The following PDE12 variants were observed in gnomAD, a reference collection of about 807,000 sequenced individuals.
PDE12 encodes 2',5'-phosphodiesterase 12.
Under a neutral mutation model 45.4 loss-of-function variants are expected in PDE12, and 26 were observed. That is an observed-to-expected ratio of 0.57 (90% CI 0.42 to 0.79). PDE12 has a LOEUF of 0.79. Ranked by LOEUF, PDE12 falls within the 30% of genes least tolerant of loss-of-function variation. PDE12 has a pLI of 0.00. For synonymous variants in PDE12, 283 were observed against 323.9 expected, an observed-to-expected ratio of 0.87 and a Z score of 1.36; for missense variants, 668 against 790.0, an observed-to-expected ratio of 0.85 and a Z score of 1.85.
the PDE12 span, among the ~76,000 whole-genome samples, chr3:57,654,114 A>AT: frequency 0.038 from 5,266 of 139,716 alleles, 319 homozygotes; most frequent in African/African-American, 0.13. Flanking sequence ...CGCCCGGCTA[A>AT]TTTTTTTTTT....
chr3:57,585,624 A>G, the PDE12 span, among the ~76,000 whole-genome samples: 1 of 150,166 alleles, frequency 6.7e-6, no homozygotes, highest in South Asian at 2.1e-4. Context: ...ATAATAAAAG[A>G]CCCTATCACA....
At chr3:57,557,798 A>C in intron 1 of PDE12, 111 bp downstream of exon 1, 1 of 977,988 alleles carries the variant, frequency 1.0e-6, no homozygotes, top group Non-Finnish European at 1.5e-6. Flanking sequence ...ATATTGTTGA[A>C]AGGTGTGTTT....
chr3:57,628,890 A>G, the PDE12 span: 2 of 1,610,300 alleles, frequency 1.2e-6, no homozygotes, highest in Non-Finnish European at 1.7e-6. Context: ...TAAGTCCTAG[A>G]ATAAATAAAG....
At chr3:57,570,321 C>T (rs1442794264), downstream of PDE12, among the ~76,000 whole-genome samples, 2 of 140,742 alleles carry the variant, frequency 1.4e-5, no homozygotes, top group Non-Finnish European at 3.0e-5. Context: ...AAGCGAGTCT[C>T]TTGCCTCAGC....
chr3:57,643,209 T>C, the PDE12 span, among the ~76,000 whole-genome samples: 73 of 152,212 alleles, frequency 4.8e-4, no homozygotes, highest in African/African-American at 1.8e-3. Context: ...TAAAATTTAA[T>C]GTGGGGCATG....
At chr3:57,614,046 TA>T in the PDE12 span, among the ~76,000 whole-genome samples, 1 of 151,668 alleles carries the variant, frequency 6.6e-6, no homozygotes, top group East Asian at 1.9e-4. Flanking sequence ...GATTTTAGAA[TA>T]AAGAATACAT....
rs2069717580 is a variant in PDE12, at chr3:57,560,514, T to C, written c.*510T>C. Reference sequence around the variant, plus strand: ...CTAATTTTTGTATTTTTAGTAGAAATGGGGTTTCGCCACGTTGGCCAGGCT... The same window carrying C: ...CTAATTTTTGTATTTTTAGTAGAAACGGGGTTTCGCCACGTTGGCCAGGCT... On this transcript the variant is annotated 3_prime_UTR_variant, in exon 3 of 3. Transcript: ENST00000311180. The C allele has an allele frequency of 8.8e-6, 4 of 454,602 alleles. No individual in the cohort carries two copies. The highest frequency in any genetic ancestry group is 8.7e-6 in the Non-Finnish European group (3 of 344,820). The allele number at this position is 454,602 out of a possible 1,614,324, so 28.2% of individuals were successfully genotyped here.
chr3:57,613,963 GA>G, the PDE12 span, among the ~76,000 whole-genome samples: 1 of 149,982 alleles, frequency 6.7e-6, no homozygotes, highest in African/African-American at 2.4e-5. Context: ...TGTAAGTATG[GA>G]AAAGATATAC....
At chr3:57,601,890 G>A in the PDE12 span, among the ~76,000 whole-genome samples, 11 of 150,804 alleles carry the variant, frequency 7.3e-5, no homozygotes, top group African/African-American at 1.9e-4. Context: ...GACTACAGGT[G>A]CACACCACCA....
the PDE12 span, among the ~76,000 whole-genome samples, chr3:57,608,233 G>C: frequency 6.6e-6 from 1 of 152,216 alleles, no homozygotes; most frequent in African/African-American, 2.4e-5. Context: ...AGCTCCTGAA[G>C]GAAGCACTAA....
the PDE12 span, among the ~76,000 whole-genome samples, chr3:57,613,240 C>A: frequency 6.7e-6 from 1 of 149,394 alleles, no homozygotes. Context: ...CTCGGCCTCC[C>A]AAAGTGCTAG....
the PDE12 span, among the ~76,000 whole-genome samples, chr3:57,655,443 G>A: frequency 2.0e-5 from 3 of 152,072 alleles, no homozygotes; most frequent in East Asian, 5.8e-4. Context: ...TTAGTGATGG[G>A]GGTAATTAAC....
At position 57,559,726 on chromosome 3, in the gene PDE12, C is replaced by G; in HGVS notation, c.1552C>G (p.His518Asp). 1 of 1,614,172 alleles carries G rather than the reference C, an allele frequency of 6.2e-7. No homozygotes were observed. The highest frequency in any genetic ancestry group is 1.3e-5 in the African/African-American group (1 of 75,034). The change falls in exon 3 of 3, where the codon CAT becomes GAT. Residue 518 changes from histidine to aspartate, a missense_variant. Transcript: ENST00000311180. ...FVINGSIPED[H>D]EDWASNGEEE... is the part of the protein sequence containing the mutation. The stretch of plus-strand genomic sequence containing the variant: ...CATCAATGGCAGCATTCCAGAGGAT[C>G]ATGAAGACTGGGCTTCCAATGGGGA...
the PDE12 span, among the ~76,000 whole-genome samples, chr3:57,613,473 T>A: frequency 1.8e-4 from 28 of 151,612 alleles, no homozygotes; most frequent in African/African-American, 6.8e-4. Context: ...TTTGTATTTT[T>A]CGTAGAGACA....
At chr3:57,593,035 T>A in the PDE12 span, among the ~76,000 whole-genome samples, 6 of 151,948 alleles carry the variant, frequency 3.9e-5, no homozygotes, top group Admixed American at 3.9e-4. Flanking sequence ...AAGACCCCCA[T>A]TCTCTACAAA....
chr3:57,626,996 T>C, the PDE12 span: 2 of 152,064 alleles, frequency 1.3e-5, no homozygotes, highest in Admixed American at 1.3e-4. Context: ...CAAATAAGTA[T>C]CACATAAAAA....
the PDE12 span, chr3:57,597,064 C>T: frequency 3.1e-6 from 5 of 1,613,734 alleles, no homozygotes; most frequent in African/African-American, 6.7e-5. Flanking sequence ...ACTCGCAGCC[C>T]CTCACTCACC....
chr3:57,628,089 G>T, the PDE12 span: 1 of 907,484 alleles, frequency 1.1e-6, no homozygotes, highest in Non-Finnish European at 1.5e-6. Flanking sequence ...TTTCTACCCT[G>T]TAACTAGCAT....
the PDE12 span, chr3:57,633,125 A>G: frequency 4.3e-6 from 3 of 693,526 alleles, no homozygotes; most frequent in South Asian, 5.8e-5. Flanking sequence ...GGTCTCTTGC[A>G]AAGGGGTTTA....
Sources: allele counts gnomAD v4.1 joint callset (sites outside exome capture counted in the v4.1 genomes callset), GRCh38; gene constraint gnomAD v4.1.1; transcripts MANE v1.5; gene names NCBI Gene and HGNC (gene_info 2026-07-23, HGNC 2026-07-21).